Variants in PABPC1 observed in about 807,000 individuals in gnomAD.
The protein encoded by PABPC1 is poly(A) binding protein cytoplasmic 1.
A neutral mutation model predicts 74.0 loss-of-function variants in PABPC1; 4 were observed. That is an observed-to-expected ratio of 0.05 (90% confidence interval 0.03 to 0.12). The LOEUF (loss-of-function observed/expected upper bound fraction) is 0.12, where lower values mean the gene tolerates loss of function less well. Ranked by LOEUF, PABPC1 falls within the 10% of genes least tolerant of loss-of-function variation. The pLI is 1.00. For missense variants in PABPC1, 271 were observed against 821.1 expected (o/e 0.33, Z 8.19); for synonymous variants, 227 against 264.1 (o/e 0.86, Z 1.36).
In PABPC1 at chr8:100,709,672, T is replaced by C; in HGVS notation, c.1032A>G (p.Glu344=). 6.2e-7 allele frequency: 1 copy of C among 1,614,168 alleles called. No homozygotes were observed. The highest frequency in any genetic ancestry group is 8.5e-7 in the Non-Finnish European group (1 of 1,180,028). The change falls in exon 8 of 15, where the codon GAA becomes GAG. Residue 344 remains glutamate, a synonymous_variant. Coordinates refer to ENST00000318607, the MANE Select transcript of PABPC1 (RefSeq NM_002568.4). ...GFGFVCFSSP[E]EATKAVTEMN... ...TTTCTGTAACTGCTTTAGTGGCTTC[T>C]TCTGGGGAGGAGAAACATACAAAAC...
intron 7 of PABPC1, among the ~76,000 whole-genome samples, chr8:100,711,148 C>T (rs1442111952): frequency 6.6e-6 from 1 of 152,078 alleles, no homozygotes; most frequent in African/African-American, 2.4e-5. Context: ...GGCGTAGTGG[C>T]ACATGCCTGT....
chr8:100,704,054 CAAAAAAAAAAAA>C (rs34116624), intron 14 of PABPC1: 3 of 177,854 alleles, frequency 1.7e-5, no homozygotes, highest in South Asian at 5.4e-5. Flanking sequence ...AACTCCATCT[CAAAAAAAAAAAA>C]AAAAAAAAAC....
intron 4 of PABPC1, among the ~76,000 whole-genome samples, chr8:100,713,934 T>A (rs201698815): frequency 6.8e-6 from 1 of 146,918 alleles, no homozygotes; most frequent in South Asian, 2.2e-4. Context: ...GGAAAAAAAA[T>A]TCTTTTTAAA....
At chr8:100,708,171 G>A (rs1351664898) in intron 9 of PABPC1, among the ~76,000 whole-genome samples, 7 of 151,900 alleles carry the variant, frequency 4.6e-5, no homozygotes, top group Non-Finnish European at 1.0e-4. Flanking sequence ...TCGTGTCCTC[G>A]GTCTCTTGCC....
chr8:100,712,929 T>C, intron 5 of PABPC1, 140 bp from the exon 6 acceptor site: 1 of 1,139,434 alleles, frequency 8.8e-7, no homozygotes, highest in African/African-American at 1.6e-5. Flanking sequence ...TTTGGGACAA[T>C]ATAGGTTACC....
At chr8:100,715,297 G>A (rs1810640819) in intron 4 of PABPC1, among the ~76,000 whole-genome samples, 165 bp downstream of exon 4, 1 of 152,102 alleles carries the variant, frequency 6.6e-6, no homozygotes, top group Non-Finnish European at 1.5e-5. Context: ...ATACTACTTT[G>A]TAGTGTAATA....
At chr8:100,713,774 A>G (rs1253835631) in intron 4 of PABPC1, among the ~76,000 whole-genome samples, 7 of 152,190 alleles carry the variant, frequency 4.6e-5, no homozygotes, top group Admixed American at 4.6e-4. Flanking sequence ...GGCATGAGCT[A>G]TTGTGCTAAG....
rs1332031327 is a variant in PABPC1, at chr8:100,722,055, C to G, written c.-472G>C. On this transcript the variant is annotated 5_prime_UTR_variant, in exon 1 of 15. Coordinates refer to ENST00000318607, the MANE Select transcript of PABPC1 (RefSeq NM_002568.4). The stretch of plus-strand genomic sequence containing the variant: ...TGTTCCGAGCCCGGAGCACACACTC[C>G]GCACTCTCAGCACTAACCGCCGGGG... 6.5e-6 allele frequency: 1 copy of G among 153,020 alleles called. No homozygotes were observed. The highest frequency in any genetic ancestry group is 2.4e-5 in the African/African-American group (1 of 41,404). The allele number at this position is 153,020 out of a possible 1,614,324, so 9.5% of individuals were successfully genotyped here.
At chr8:100,712,073 A>G (rs968807999) in intron 7 of PABPC1, among the ~76,000 whole-genome samples, 4 of 152,266 alleles carry the variant, frequency 2.6e-5, no homozygotes, top group African/African-American at 4.8e-5. Context: ...TCAGAACTAT[A>G]GTAACAATTA....
chr8:100,713,272 T>C, intron 4 of PABPC1, 91 bp from the exon 5 acceptor site: 1 of 718,930 alleles, frequency 1.4e-6, no homozygotes, highest in Non-Finnish European at 2.1e-6. Flanking sequence ...ATGAAAAAAA[T>C]TTCAAAGCTC....
chr8:100,704,409 G>T lies in PABPC1; in HGVS notation c.1819-19C>A, dbSNP rs369570456. Reference sequence around the variant, plus strand: ...CATCAACCTAAAAAAGGGGAAAACAGATAAACTGGTTCAGGAAAGGAATGG... The same window carrying T: ...CATCAACCTAAAAAAGGGGAAAACATATAAACTGGTTCAGGAAAGGAATGG... On this transcript the variant is annotated intron_variant, in intron 13 of 14. Transcript: ENST00000318607. 2.1e-5 allele frequency: 34 copies of T among 1,583,932 alleles called. No homozygotes were observed. The South Asian group carries it at 3.1e-4, about 14-fold the overall frequency.
At position 100,721,873 on chromosome 8, in the gene PABPC1, C is replaced by G; in HGVS notation, c.-290G>C. On this transcript the variant is annotated 5_prime_UTR_variant, in exon 1 of 15. Coordinates refer to ENST00000318607, the MANE Select transcript of PABPC1 (RefSeq NM_002568.4). This position sits in a 1 kb window ranked among gnomAD's most constrained non-coding sequence, Gnocchi z 7.4. Reference sequence around the variant, plus strand: ...GAGCTGCTGCGGGGCCGCGGGCGGGCGGGTCGGTCTCGGCTGCTTCACCGG... The same window carrying G: ...GAGCTGCTGCGGGGCCGCGGGCGGGGGGGTCGGTCTCGGCTGCTTCACCGG... 1 of 328,546 alleles carries G rather than the reference C, an allele frequency of 3.0e-6. No homozygotes were observed. Among genetic ancestry groups the G allele is most frequent in the Non-Finnish European group, 5.5e-6 (1 of 181,632 alleles). The allele number at this position is 328,546 out of a possible 1,614,324, so 20.4% of individuals were successfully genotyped here.
intron 4 of PABPC1, 86 bp downstream of exon 4, chr8:100,715,376 C>CT (rs1810642886): frequency 3.2e-6 from 4 of 1,230,994 alleles, no homozygotes; most frequent in African/African-American, 1.5e-5. Flanking sequence ...ATTTTATTGA[C>CT]TTTTTTAGTA....
chr8:100,704,438 T>A, intron 13 of PABPC1, 48 bp from the exon 14 acceptor site: 4 of 1,448,662 alleles, frequency 2.8e-6, no homozygotes, highest in Non-Finnish European at 3.9e-6. Context: ...GGAATGGAAA[T>A]AAAGAGTTTC....
At chr8:100,715,739 A>T in intron 3 of PABPC1, 138 bp from the exon 4 acceptor site, 1 of 542,248 alleles carries the variant, frequency 1.8e-6, no homozygotes, top group Non-Finnish European at 3.1e-6. Flanking sequence ...AAATAGAAAT[A>T]GGGCCATAAT....
intron 3 of PABPC1, 112 bp from the exon 4 acceptor site, chr8:100,715,713 T>A: frequency 1.5e-6 from 1 of 651,450 alleles, no homozygotes; most frequent in Non-Finnish European, 2.4e-6. Flanking sequence ...GAATCCCTAA[T>A]AAAAAGCACA....
intron 2 of PABPC1, 58 bp from the exon 3 acceptor site, chr8:100,717,946 G>A: frequency 1.4e-6 from 2 of 1,398,028 alleles, no homozygotes; most frequent in South Asian, 2.3e-5. Context: ...CATTTGTTCA[G>A]TGTTGAGAGA....
intron 14 of PABPC1, chr8:100,704,080 A>G: frequency 2.6e-6 from 1 of 387,654 alleles, no homozygotes; most frequent in Non-Finnish European, 4.6e-6. Flanking sequence ...AAAAAACACC[A>G]CCTGAAAGTC....
chr8:100,719,430 A>C (rs942351876), intron 1 of PABPC1, among the ~76,000 whole-genome samples: 1 of 149,096 alleles, frequency 6.7e-6, no homozygotes, highest in Non-Finnish European at 1.5e-5. Context: ...GCTATTTTTC[A>C]ATGAGTCACC....
Sources: allele counts gnomAD v4.1 joint callset (sites outside exome capture counted in the v4.1 genomes callset), GRCh38; gene constraint gnomAD v4.1.1; non-coding constraint Gnocchi (gnomAD v3.1); transcripts MANE v1.5; gene names NCBI Gene and HGNC (gene_info 2026-07-23, HGNC 2026-07-21).